The following PRKG1 variants were observed in gnomAD, a reference collection of about 807,000 sequenced individuals.
PRKG1 encodes the protein cGMP-dependent protein kinase 1.
In PRKG1, 35 loss-of-function variants were observed where a neutral mutation model predicts 88.1. The ratio of observed to expected loss-of-function variants is 0.40; its 90% confidence interval spans 0.30 to 0.53. PRKG1 has a LOEUF of 0.53. PRKG1 is among the 20% of genes least tolerant of loss of function. The probability of loss-of-function intolerance (pLI) is 0.59; values close to 1 mark genes in which losing one functional copy is unlikely to be tolerated. For missense variants in PRKG1, 540 were observed against 839.8 expected (o/e 0.64, Z 4.41); for synonymous variants, 303 against 292.5 (o/e 1.04, Z -0.37).
At chr10:51,023,484 G>T (rs1843165785) in intron 1 of PRKG1, among the ~76,000 whole-genome samples, 1 of 152,126 alleles carries the variant, frequency 6.6e-6, no homozygotes, top group African/African-American at 2.4e-5. Context: ...CAAATGACAG[G>T]CTTATAGAAA....
intron 3 of PRKG1, among the ~76,000 whole-genome samples, chr10:51,547,638 C>G (rs528868892): frequency 6.6e-6 from 1 of 152,188 alleles, no homozygotes; most frequent in South Asian, 2.1e-4. Flanking sequence ...CCCAGTTATA[C>G]TTGACGAGTA....
At chr10:51,020,971 A>G (rs971110417) in intron 1 of PRKG1, among the ~76,000 whole-genome samples, 5 of 152,184 alleles carry the variant, frequency 3.3e-5, no homozygotes, top group Non-Finnish European at 7.3e-5. Flanking sequence ...CTTGTAGTTT[A>G]ATAAAGTATT....
intron 2 of PRKG1, among the ~76,000 whole-genome samples, chr10:51,289,277 C>T (rs1470352211): frequency 6.6e-6 from 1 of 152,094 alleles, no homozygotes; most frequent in Non-Finnish European, 1.5e-5. Context: ...TCTTACTGGG[C>T]ACCACTGTCT....
intron 4 of PRKG1, among the ~76,000 whole-genome samples, chr10:51,890,694 G>A (rs1172354443): frequency 2.6e-5 from 4 of 152,150 alleles, no homozygotes; most frequent in African/African-American, 9.7e-5. Context: ...AGTGGCTCAC[G>A]CCTGTAATCC....
At chr10:51,943,228 G>A (rs1269228171) in intron 5 of PRKG1, among the ~76,000 whole-genome samples, 1 of 151,946 alleles carries the variant, frequency 6.6e-6, no homozygotes, top group East Asian at 1.9e-4. Context: ...GTGAATGGGA[G>A]TTCACTCATG....
intron 9 of PRKG1, among the ~76,000 whole-genome samples, chr10:52,248,122 C>T (rs1841072713): frequency 1.3e-5 from 2 of 152,212 alleles, no homozygotes; most frequent in Non-Finnish European, 1.5e-5. Context: ...TTAAGAATGC[C>T]TTTGAGTGGT....
chr10:51,854,016 G>A (rs1216703454), intron 4 of PRKG1, among the ~76,000 whole-genome samples: 3 of 151,896 alleles, frequency 2.0e-5, no homozygotes, highest in Non-Finnish European at 4.4e-5. Context: ...TCTACTAAAT[G>A]TTCCCATGTA....
intron 3 of PRKG1, among the ~76,000 whole-genome samples, chr10:51,687,024 C>T (rs916665518): frequency 2.0e-5 from 3 of 152,170 alleles, no homozygotes. Context: ...GCATATATTA[C>T]ACCCAGCCAT....
intron 2 of PRKG1, among the ~76,000 whole-genome samples, chr10:51,408,371 A>G (rs1027945875): frequency 6.6e-6 from 1 of 152,242 alleles, no homozygotes; most frequent in African/African-American, 2.4e-5. Flanking sequence ...CTTTAGCCGT[A>G]AAGTGAGTGC....
chr10:51,186,959 T>TATATAC (rs1354322861), intron 2 of PRKG1, among the ~76,000 whole-genome samples: 13 of 48,208 alleles, frequency 2.7e-4, no homozygotes, highest in African/African-American at 5.5e-4. Flanking sequence ...CTGTGTTATA[T>TATATAC]ATATATATAT....
chr10:51,479,950 A>C (rs145196657), intron 3 of PRKG1, among the ~76,000 whole-genome samples: 78 of 152,258 alleles, frequency 5.1e-4, no homozygotes, highest in African/African-American at 1.7e-3. Flanking sequence ...CCAGTAGCTT[A>C]AAATTTATGG....
intron 5 of PRKG1, among the ~76,000 whole-genome samples, chr10:51,955,526 C>T (rs941810209): frequency 5.9e-5 from 9 of 152,106 alleles, no homozygotes; most frequent in African/African-American, 2.2e-4. Context: ...ATTTTGTAAG[C>T]TTCAGCATAT....
intron 2 of PRKG1, among the ~76,000 whole-genome samples, chr10:51,420,360 G>A (rs889489958): frequency 2.0e-5 from 3 of 152,172 alleles, no homozygotes; most frequent in Non-Finnish European, 4.4e-5. Flanking sequence ...GAATCATGTA[G>A]ATTCAACAGA....
intron 3 of PRKG1, chr10:51,697,751 T>A: frequency 3.7e-6 from 6 of 1,614,176 alleles, no homozygotes; most frequent in Non-Finnish European, 5.1e-6. Context: ...CAGGATACTC[T>A]GCCTTTGCTC....
At chr10:52,274,971 T>C (rs1000063955) in intron 12 of PRKG1, among the ~76,000 whole-genome samples, 17 of 152,318 alleles carry the variant, frequency 1.1e-4, no homozygotes, top group African/African-American at 3.8e-4. Flanking sequence ...ATTGGCCATT[T>C]GTATATCTTC....
At chr10:51,948,486 G>T (rs1261285205) in intron 5 of PRKG1, among the ~76,000 whole-genome samples, 1 of 151,994 alleles carries the variant, frequency 6.6e-6, no homozygotes, top group East Asian at 1.9e-4. Flanking sequence ...TGGATTTCAT[G>T]TGATTCAGGT....
intron 3 of PRKG1, among the ~76,000 whole-genome samples, chr10:51,649,915 A>G (rs1240059291): frequency 2.0e-5 from 3 of 152,202 alleles, no homozygotes; most frequent in Non-Finnish European, 4.4e-5. Flanking sequence ...ATTCCTGTGC[A>G]AACATCTGAT....
At position 52,016,131 on chromosome 10, in the gene PRKG1, T is replaced by A. The variant is rs544864830; in HGVS notation, c.763-38353T>A. Among the ~76,000 whole-genome samples, 129 of 152,370 alleles carry A rather than the reference T, an allele frequency of 8.5e-4. 2 individuals are homozygous for A. Among genetic ancestry groups the A allele is most frequent in the Admixed American group, 2.6e-3 (40 of 15,310 alleles). On this transcript the variant is annotated intron_variant, in intron 5 of 17. Coordinates refer to ENST00000373980, the MANE Select transcript of PRKG1 (RefSeq NM_006258.4). ...GCATCTTTATAGCAGTACCCTACTC[T>A]GTCAGTACCAATTTTCTGTATTATT...
chr10:51,070,239 G>A (rs1267390421), upstream of PRKG1, among the ~76,000 whole-genome samples: 3 of 151,992 alleles, frequency 2.0e-5, no homozygotes, highest in Non-Finnish European at 4.4e-5. Context: ...AATATTAATA[G>A]AATATTAATA....
Sources: allele counts gnomAD v4.1 joint callset (sites outside exome capture counted in the v4.1 genomes callset), GRCh38; gene constraint gnomAD v4.1.1; transcripts MANE v1.5; gene names NCBI Gene and HGNC (gene_info 2026-07-23, HGNC 2026-07-21).